ARMC9: variants seen among roughly 807,000 people sequenced by gnomAD.
ARMC9 encodes the protein armadillo repeat containing 9.
In ARMC9, 94 loss-of-function variants were observed where a neutral mutation model predicts 107.0. The observed-to-expected ratio is 0.88, with a 90% CI of 0.74 to 1.04. The LOEUF is 1.04. Among genes scored for constraint, ARMC9 ranks in the 50% least tolerant of loss-of-function variants. ARMC9 has a pLI of 0.00. For synonymous variants in ARMC9, 380 were observed against 396.9 expected, an observed-to-expected ratio of 0.96 and a Z score of 0.51; for missense variants, 942 against 1,030.1, an observed-to-expected ratio of 0.91 and a Z score of 1.17.
chr2:231,214,550 C>T lies in ARMC9; in HGVS notation c.178-281C>T, dbSNP rs140061440. Among the ~76,000 whole-genome samples the T allele has an allele frequency of 5.9e-3, 900 of 152,316 alleles. 9 individuals carry two copies. Among genetic ancestry groups the T allele is most frequent in the African/African-American group, 0.021 (871 of 41,560 alleles). ...ATTTACGTGTCCAAGAGTTCTCTGGCCCCAAGTCTTTGTTCTGTGCCTGAT... is the reference window on the plus strand; with the variant it reads ...ATTTACGTGTCCAAGAGTTCTCTGGTCCCAAGTCTTTGTTCTGTGCCTGAT... On this transcript the variant is annotated intron_variant, in intron 3 of 24. Transcript: ENST00000611582.
chr2:231,240,950 A>G (rs1352816575), intron 9 of ARMC9, among the ~76,000 whole-genome samples: 1 of 152,204 alleles, frequency 6.6e-6, no homozygotes, highest in Non-Finnish European at 1.5e-5. Context: ...GTAATATTCC[A>G]GCACTTTGGG....
Position 231,255,180 on chromosome 2 carries a change from AACACACACACACACAC to A in ARMC9, c.880-1380_880-1365del, listed in dbSNP as rs3042595. 1.3e-3 allele frequency among the ~76,000 whole-genome samples: 186 copies of A among 146,864 alleles called. No homozygotes were observed. The highest frequency in any genetic ancestry group is 4.4e-3 in the African/African-American group (177 of 40,142). On this transcript the variant is annotated intron_variant, in intron 9 of 24. Coordinates refer to ENST00000611582, the MANE Select transcript of ARMC9 (RefSeq NM_001352754.2). This position sits in a 1 kb window ranked among gnomAD's most constrained non-coding sequence, Gnocchi z 4.7. ...AGCACTACCTGTAGTGGCAAAAAGA[AACACACACACACACAC>A]ACACACACACACACACACACACACA...
intron 23 of ARMC9, among the ~76,000 whole-genome samples, chr2:231,363,680 A>G (rs1330374142): frequency 6.6e-6 from 1 of 152,066 alleles, no homozygotes; most frequent in East Asian, 1.9e-4. Context: ...AGGTCAAGAG[A>G]TCAAGATCAT....
rs369663920 is a variant in ARMC9, at chr2:231,345,722, T to C, written c.1994+632T>C. Among the ~76,000 whole-genome samples, 24 of 152,158 alleles carry C rather than the reference T, an allele frequency of 1.6e-4. 1 individual carries two copies. The highest frequency in any genetic ancestry group is 5.8e-4 in the East Asian group (3 of 5,198). On this transcript the variant is annotated intron_variant, in intron 21 of 24. Transcript: ENST00000611582. ...TCTGGGTGGCCTCTCTTTTCCTGTC[T>C]AGAGAGAATATTACAGCAAAATATT...
At chr2:231,247,393 A>G (rs2036870401) in intron 9 of ARMC9, among the ~76,000 whole-genome samples, 1 of 152,230 alleles carries the variant, frequency 6.6e-6, no homozygotes, top group African/African-American at 2.4e-5. Flanking sequence ...GCTTCCTGCT[A>G]TGTGGCTTGT....
intron 19 of ARMC9, 55 bp from the exon 20 acceptor site, chr2:231,331,738 C>G: frequency 6.6e-7 from 1 of 1,516,576 alleles, no homozygotes; most frequent in Non-Finnish European, 9.1e-7. Flanking sequence ...GGAGCCACGC[C>G]TTGGGAGCTT....
rs76441221 is a variant in ARMC9 at position 231,360,694 on chromosome 2, G to C, written c.2132-60G>C. ...TGGCTTTCCAACCCAGCCCACGAGA[G>C]GGCATCCTTAGAGGGGCTCCAGAGC... On this transcript the variant is annotated intron_variant, in intron 22 of 24. Coordinates refer to ENST00000611582, the MANE Select transcript of ARMC9 (RefSeq NM_001352754.2). This position sits in a 1 kb window ranked among gnomAD's most constrained non-coding sequence, Gnocchi z 4.7. 2.7e-3 allele frequency: 4,138 copies of C among 1,535,866 alleles called. 85 individuals carry two copies. In the African/African-American group the frequency reaches 0.042, roughly 16 times the overall value.
intron 20 of ARMC9, among the ~76,000 whole-genome samples, chr2:231,332,390 G>A (rs926004861): frequency 1.1e-4 from 17 of 152,094 alleles, no homozygotes; most frequent in East Asian, 5.8e-4. Context: ...GAGAGGACCC[G>A]AGAAGGCCAG....
At chr2:231,287,226 C>T (rs912783042) in intron 17 of ARMC9, among the ~76,000 whole-genome samples, 10 of 152,218 alleles carry the variant, frequency 6.6e-5, no homozygotes, top group Admixed American at 4.6e-4. Context: ...AAACTGCCTC[C>T]GCTCTCTCCA....
intron 3 of ARMC9, among the ~76,000 whole-genome samples, chr2:231,213,472 A>AC (rs1399137627): frequency 6.9e-6 from 1 of 144,288 alleles, no homozygotes; most frequent in Non-Finnish European, 1.5e-5. Context: ...ATGTAAACTC[A>AC]CTTTTTTGGT....
chr2:231,285,148 A>G (rs1324199658), intron 17 of ARMC9, among the ~76,000 whole-genome samples: 1 of 152,078 alleles, frequency 6.6e-6, no homozygotes, highest in Admixed American at 6.5e-5. Flanking sequence ...CAGTGAGCCA[A>G]GATCATGCCA....
intron 9 of ARMC9, among the ~76,000 whole-genome samples, chr2:231,254,814 T>C (rs1422079973): frequency 6.6e-6 from 1 of 152,146 alleles, no homozygotes; most frequent in Non-Finnish European, 1.5e-5. Context: ...CAGCAATAAA[T>C]GGCATTTCAC....
intron 9 of ARMC9, among the ~76,000 whole-genome samples, chr2:231,252,376 A>G (rs1207633361): frequency 6.6e-6 from 1 of 152,134 alleles, no homozygotes; most frequent in Non-Finnish European, 1.5e-5. Context: ...CAGCCTCCCA[A>G]GTAGCTGGGA....
intron 24 of ARMC9, chr2:231,370,813 T>G: frequency 3.7e-6 from 1 of 270,004 alleles, no homozygotes; most frequent in Non-Finnish European, 7.5e-6. Flanking sequence ...TCTAGAGGGC[T>G]TTACCAAAAC....
Position 231,198,683 on chromosome 2 carries a change from C to T in ARMC9, c.-57C>T, listed in dbSNP as rs527542965. On this transcript the variant is annotated 5_prime_UTR_variant, in exon 1 of 25. Coordinates refer to ENST00000611582, the MANE Select transcript of ARMC9 (RefSeq NM_001352754.2). ...GCCGGGCTGGGATAGCGCGAGTGTC[C>T]GCGGCCGAGCAGCAGGTAAGCGCGT... 1 of 152,314 alleles carries T rather than the reference C, an allele frequency of 6.6e-6. No individual in the cohort carries two copies. Among genetic ancestry groups the T allele is most frequent in the African/African-American group, 2.4e-5 (1 of 41,572 alleles). The allele number at this position is 152,314 out of a possible 1,614,324, so 9.4% of individuals were successfully genotyped here.
At chr2:231,254,164 A>C (rs2037546261) in intron 9 of ARMC9, among the ~76,000 whole-genome samples, 1 of 152,218 alleles carries the variant, frequency 6.6e-6, no homozygotes, top group Non-Finnish European at 1.5e-5. Context: ...AAATGTAAAA[A>C]ATAAAGCTAT....
At chr2:231,261,062 G>C (rs2038293167) in intron 11 of ARMC9, among the ~76,000 whole-genome samples, 2 of 152,120 alleles carry the variant, frequency 1.3e-5, no homozygotes, top group Non-Finnish European at 2.9e-5. Flanking sequence ...TCCAGCCCAG[G>C]GCGTCTGATG....
chr2:231,278,770 A>T (rs1169987676), intron 16 of ARMC9, among the ~76,000 whole-genome samples: 1 of 152,064 alleles, frequency 6.6e-6, no homozygotes, highest in Non-Finnish European at 1.5e-5. Flanking sequence ...TTCCCTTGGT[A>T]TGTTTAATGT....
chr2:231,278,243 C>T (rs1211928901), intron 15 of ARMC9, 139 bp from the exon 16 acceptor site: 57 of 754,304 alleles, frequency 7.6e-5, no homozygotes, highest in Non-Finnish European at 1.0e-4. Context: ...TTACATGACT[C>T]ACCCGAGGTC....
Sources: gnomAD v4.1 joint callset for allele counts (sites outside exome capture counted in the v4.1 genomes callset) on GRCh38, gnomAD v4.1.1 for gene constraint, Gnocchi (gnomAD v3.1) non-coding constraint, MANE v1.5 for transcripts, NCBI Gene and HGNC (gene_info 2026-07-23, HGNC 2026-07-21) for gene names.